Variants in B4GALT1 observed in about 807,000 individuals in gnomAD.
B4GALT1 encodes the protein beta-1,4-galactosyltransferase 1.
Under a neutral mutation model 34.9 loss-of-function variants are expected in B4GALT1, and 16 were observed. The ratio of observed to expected loss-of-function variants is 0.46; its 90% CI spans 0.31 to 0.70. The LOEUF (loss-of-function observed/expected upper bound fraction) is 0.70. B4GALT1 is among the 30% of genes least tolerant of loss of function. The probability of loss-of-function intolerance (pLI) is 0.05; values close to 1 mark genes in which losing one functional copy is unlikely to be tolerated. For synonymous variants in B4GALT1, 221 were observed against 218.1 expected, an observed-to-expected ratio of 1.01 and a Z score of -0.12; for missense variants, 445 against 530.5, an observed-to-expected ratio of 0.84 and a Z score of 1.58.
chr9:33,124,029 T>C (rs1303827495), intron 2 of B4GALT1, among the ~76,000 whole-genome samples: 4 of 152,180 alleles, frequency 2.6e-5, no homozygotes, highest in Non-Finnish European at 4.4e-5. Flanking sequence ...TGGTGCACTT[T>C]AGCAGGTGCT....
the B4GALT1 span, among the ~76,000 whole-genome samples, chr9:33,184,040 G>A: frequency 1.3e-5 from 2 of 151,922 alleles, no homozygotes; most frequent in Admixed American, 6.6e-5. Context: ...GCTAAGGGAG[G>A]GATAGCATTT....
intron 3 of B4GALT1, among the ~76,000 whole-genome samples, chr9:33,119,416 T>C (rs1008151912): frequency 6.6e-6 from 1 of 152,190 alleles, no homozygotes; most frequent in African/African-American, 2.4e-5. Context: ...CAGAATCACA[T>C]TCCTTCTTAT....
chr9:33,130,085 G>A (rs991909624), intron 2 of B4GALT1, among the ~76,000 whole-genome samples: 3 of 152,266 alleles, frequency 2.0e-5, no homozygotes, highest in African/African-American at 7.2e-5. Flanking sequence ...TATGCAATCG[G>A]AATTGGAGAG....
intron 2 of B4GALT1, among the ~76,000 whole-genome samples, chr9:33,125,467 T>C (rs1306708921): frequency 6.6e-6 from 1 of 152,270 alleles, no homozygotes; most frequent in East Asian, 1.9e-4. Flanking sequence ...GAGGGATTTG[T>C]GCCCCAATCC....
At chr9:33,116,251 G>C (rs1351030873) in intron 3 of B4GALT1, 138 bp from the exon 4 acceptor site, 9 of 1,024,892 alleles carry the variant, frequency 8.8e-6, no homozygotes, top group East Asian at 3.6e-5. Context: ...TTTTTTTTTT[G>C]AGACGTAGTC....
intron 1 of B4GALT1, among the ~76,000 whole-genome samples, chr9:33,162,250 G>T (rs2118315923): frequency 6.6e-6 from 1 of 152,280 alleles, no homozygotes; most frequent in Non-Finnish European, 1.5e-5. Flanking sequence ...ATTTTGATAT[G>T]AACTTGGAGT....
chr9:33,155,286 C>T (rs1052462594), intron 1 of B4GALT1, among the ~76,000 whole-genome samples: 1 of 152,142 alleles, frequency 6.6e-6, no homozygotes, highest in South Asian at 2.1e-4. Context: ...ACACCAGCCC[C>T]GAGGTAGAAT....
chr9:33,178,603 A>T, the B4GALT1 span, among the ~76,000 whole-genome samples: 1 of 152,100 alleles, frequency 6.6e-6, no homozygotes, highest in African/African-American at 2.4e-5. Flanking sequence ...GTGCCATGGC[A>T]CTGGGTCCAG....
intron 2 of B4GALT1, 147 bp from the exon 3 acceptor site, chr9:33,120,753 A>C: frequency 1.3e-6 from 1 of 796,954 alleles, no homozygotes. Flanking sequence ...ATCAACACAG[A>C]GTACCAAAAC....
At chr9:33,149,588 T>C (rs1840481106) in intron 1 of B4GALT1, among the ~76,000 whole-genome samples, 1 of 152,198 alleles carries the variant, frequency 6.6e-6, no homozygotes, top group African/African-American at 2.4e-5. Flanking sequence ...CCCGGCCAGA[T>C]AGTTTTAATT....
chr9:33,121,978 A>G lies in B4GALT1; in HGVS notation c.649-1372T>C, dbSNP rs186631715. Among the ~76,000 whole-genome samples, 13 of 151,990 alleles carry G rather than the reference A, an allele frequency of 8.6e-5. 1 individual carries two copies. The East Asian group carries it at 2.5e-3, about 29-fold the overall frequency. ...CCTAGCACTGACATTGCCACGCCTC[A>G]CTCTCAGCAGTTCACAAAGCCTCCT... On this transcript the variant is annotated intron_variant, in intron 2 of 5. Coordinates refer to ENST00000379731, the MANE Select transcript of B4GALT1 (RefSeq NM_001497.4).
At chr9:33,170,922 G>A (rs567400824), upstream of B4GALT1, among the ~76,000 whole-genome samples, 1 of 152,348 alleles carries the variant, frequency 6.6e-6, no homozygotes, top group Admixed American at 6.5e-5. Context: ...TTGGCCAAAA[G>A]CTGGCATGGG....
chr9:33,140,825 C>T (rs964351006), intron 1 of B4GALT1, among the ~76,000 whole-genome samples: 1 of 152,262 alleles, frequency 6.6e-6, no homozygotes, highest in Non-Finnish European at 1.5e-5. Context: ...ACCAAATTCC[C>T]CAGCTTGAGA....
chr9:33,167,364 G>A (rs1200203357), upstream of B4GALT1: 6 of 644,962 alleles, frequency 9.3e-6, no homozygotes, highest in African/African-American at 7.6e-5. Flanking sequence ...GGCGCCGGCG[G>A]AGAGGGGAGG....
intron 1 of B4GALT1, among the ~76,000 whole-genome samples, chr9:33,152,587 A>G (rs1445819334): frequency 6.6e-6 from 1 of 151,962 alleles, no homozygotes; most frequent in Non-Finnish European, 1.5e-5. Context: ...AAAAAGAAAA[A>G]AAAAGTCAGC....
downstream of B4GALT1, among the ~76,000 whole-genome samples, chr9:33,110,003 C>T (rs1259812379): frequency 1.3e-5 from 2 of 152,236 alleles, no homozygotes; most frequent in East Asian, 3.8e-4. Context: ...CCCCAGGCCA[C>T]CTTTGCACAG....
Position 33,146,279 on chromosome 9 carries a change from G to C in B4GALT1, c.413-10855C>G, listed in dbSNP as rs189096681. On this transcript the variant is annotated intron_variant, in intron 1 of 5. Coordinates refer to ENST00000379731, the MANE Select transcript of B4GALT1 (RefSeq NM_001497.4). ...TGCCTGCCCACAGATATCACTACCA[G>C]GGAAAGGTTCTGAGGCCTACTTGCC... Among the ~76,000 whole-genome samples the C allele has an allele frequency of 6.6e-5, 10 of 152,302 alleles. No homozygotes were observed. In the East Asian group the frequency reaches 1.7e-3, roughly 26 times the overall value.
At chr9:33,127,859 G>A (rs1044443407) in intron 2 of B4GALT1, among the ~76,000 whole-genome samples, 12 of 152,246 alleles carry the variant, frequency 7.9e-5, no homozygotes, top group Admixed American at 6.5e-5. Flanking sequence ...CTCAGACCCT[G>A]TATGACGGGC....
chr9:33,121,044 C>T (rs912023099), intron 2 of B4GALT1, among the ~76,000 whole-genome samples: 3 of 152,198 alleles, frequency 2.0e-5, no homozygotes, highest in African/African-American at 4.8e-5. Context: ...GGAAAGGTAT[C>T]CAGGAAACTG....
Sources: allele counts gnomAD v4.1 joint callset (sites outside exome capture counted in the v4.1 genomes callset), GRCh38; gene constraint gnomAD v4.1.1; transcripts MANE v1.5; gene names NCBI Gene and HGNC (gene_info 2026-07-23, HGNC 2026-07-21).